ARGFX: variants seen among roughly 807,000 people sequenced by gnomAD.
ARGFX encodes arginine-fifty homeobox.
ARGFX carries 10 observed loss-of-function variants against 8.0 expected under a neutral mutation model. The ratio of observed to expected loss-of-function variants is 1.25; its 90% CI spans 0.77 to 2.12. ARGFX has a LOEUF of 2.12. ARGFX is among the 30% of genes most tolerant of loss of function. The probability of loss-of-function intolerance (pLI) is 0.00; values close to 1 mark genes in which losing one functional copy is unlikely to be tolerated. For synonymous variants in ARGFX, 116 were observed against 117.8 expected (o/e 0.98, Z 0.10); for missense variants, 282 against 324.3 (o/e 0.87, Z 1.00).
intron 2 of ARGFX, among the ~76,000 whole-genome samples, chr3:121,574,753 G>A (rs781325823): frequency 3.2e-4 from 49 of 152,260 alleles, no homozygotes; most frequent in Non-Finnish European, 5.9e-4. Flanking sequence ...TAGGGACCCC[G>A]GATTTAGGAG....
At chr3:121,574,669 C>T (rs1451146085) in intron 2 of ARGFX, among the ~76,000 whole-genome samples, 1 of 152,196 alleles carries the variant, frequency 6.6e-6, no homozygotes, top group Non-Finnish European at 1.5e-5. Context: ...CTGACTCATT[C>T]GCTGCTCACC....
chr3:121,570,856 G>T (rs371398266), intron 2 of ARGFX, 40 bp downstream of exon 2: 4 of 1,379,518 alleles, frequency 2.9e-6, no homozygotes, highest in Non-Finnish European at 3.0e-6. Context: ...CTTTTCTACT[G>T]CCCCATTCTC....
intron 4 of ARGFX, among the ~76,000 whole-genome samples, chr3:121,585,689 C>G (rs974727396): frequency 6.6e-6 from 1 of 151,966 alleles, no homozygotes; most frequent in Non-Finnish European, 1.5e-5. Context: ...CTAAAATAAT[C>G]CTTAAAAATC....
At chr3:121,577,246 TATATATATA>T (rs2048745856) in intron 3 of ARGFX, among the ~76,000 whole-genome samples, 1 of 49,116 alleles carries the variant, frequency 2.0e-5, no homozygotes, top group African/African-American at 7.7e-5. Context: ...TATATATATA[TATATATATA>T]TATATTTTTT....
At chr3:121,575,306 G>A (rs543069866) in intron 2 of ARGFX, among the ~76,000 whole-genome samples, 245 of 149,198 alleles carry the variant, frequency 1.6e-3, no homozygotes, top group Middle Eastern at 3.5e-3. Flanking sequence ...GCGACAGAGC[G>A]AGACTCCATT....
At chr3:121,570,609 G>A in intron 1 of ARGFX, 93 bp from the exon 2 acceptor site, 2 of 706,976 alleles carry the variant, frequency 2.8e-6, no homozygotes, top group Non-Finnish European at 4.6e-6. Context: ...CTTGCCAGAG[G>A]TCATACATCA....
At chr3:121,574,932 AT>A (rs2048727726) in intron 2 of ARGFX, among the ~76,000 whole-genome samples, 3 of 152,234 alleles carry the variant, frequency 2.0e-5, no homozygotes, top group African/African-American at 7.2e-5. Flanking sequence ...GAAAATTGAT[AT>A]GTTTGAAGAC....
intron 1 of ARGFX, among the ~76,000 whole-genome samples, chr3:121,569,453 C>T (rs1297800533): frequency 6.7e-6 from 1 of 150,298 alleles, no homozygotes; most frequent in Non-Finnish European, 1.5e-5. Context: ...GCAACCTCTG[C>T]CTCCTGGGTT....
chr3:121,582,859 A>C (rs1168874500), intron 3 of ARGFX, among the ~76,000 whole-genome samples: 1 of 151,398 alleles, frequency 6.6e-6, no homozygotes, highest in African/African-American at 2.4e-5. Context: ...ATGTGCTACC[A>C]TGCCCACCTA....
chr3:121,572,901 G>C (rs1001103748), intron 2 of ARGFX, among the ~76,000 whole-genome samples: 1 of 152,146 alleles, frequency 6.6e-6, no homozygotes, highest in African/African-American at 2.4e-5. Context: ...ATTGGGAGAG[G>C]ACAGTCTCTG....
chr3:121,570,425 T>C (rs554402292), intron 1 of ARGFX, among the ~76,000 whole-genome samples: 1 of 152,366 alleles, frequency 6.6e-6, no homozygotes, highest in South Asian at 2.1e-4. Context: ...GATTGCACTT[T>C]AACAATCTCA....
chr3:121,570,832 C>G lies in ARGFX; in HGVS notation c.103+16C>G, dbSNP rs779461360. 2 of 1,532,946 alleles carry G rather than the reference C, an allele frequency of 1.3e-6. No homozygotes were observed. Among genetic ancestry groups the G allele is most frequent in the Non-Finnish European group, 1.8e-6 (2 of 1,131,758 alleles). The allele number at this position is 1,532,946 out of a possible 1,614,324, so 95.0% of individuals were successfully genotyped here. A position where few individuals can be genotyped will look rare whatever the true frequency, so the allele number is the denominator to read the frequency against. On this transcript the variant is annotated intron_variant, in intron 2 of 4. Transcript: ENST00000334384. ...GCTAGTCCCAGTGAGTATCATCCTT[C>G]TTTGTCCTCTTTCCTTTTCTACTGC...
chr3:121,585,154 C>T, intron 4 of ARGFX, 89 bp downstream of exon 4: 4 of 1,407,746 alleles, frequency 2.8e-6, no homozygotes, highest in Non-Finnish European at 3.9e-6. Context: ...ACCCCTGCCC[C>T]ACAATAATAT....
intron 3 of ARGFX, among the ~76,000 whole-genome samples, chr3:121,582,275 ACAGACACATT>A (rs1415565447): frequency 2.0e-5 from 3 of 152,198 alleles, no homozygotes; most frequent in Admixed American, 2.0e-4. Flanking sequence ...ACAGTATTCC[ACAGACACATT>A]CCAGAAATAT....
intron 1 of ARGFX, among the ~76,000 whole-genome samples, chr3:121,568,527 G>A (rs2048687006): frequency 6.6e-6 from 1 of 152,192 alleles, no homozygotes; most frequent in South Asian, 2.1e-4. Flanking sequence ...TCTTTAATAT[G>A]CTAGTTTAAG....
At chr3:121,572,794 T>A (rs1235976003) in intron 2 of ARGFX, among the ~76,000 whole-genome samples, 1 of 152,120 alleles carries the variant, frequency 6.6e-6, no homozygotes, top group East Asian at 1.9e-4. Flanking sequence ...AAGAGTGTGG[T>A]GCTGGCATAA....
At chr3:121,584,134 G>C (rs574920664) in intron 3 of ARGFX, among the ~76,000 whole-genome samples, 174 of 151,648 alleles carry the variant, frequency 1.1e-3, no homozygotes, top group African/African-American at 4.1e-3. Flanking sequence ...AACTATGATC[G>C]TGCCACAGCA....
rs568798127 is a variant in ARGFX at position 121,584,797 on chromosome 3, T to C, written c.221-120T>C. 3.6e-4 allele frequency: 431 copies of C among 1,186,796 alleles called. 1 individual carries two copies. Among genetic ancestry groups the C allele is most frequent in the African/African-American group, 7.0e-4 (46 of 65,298 alleles). The allele number at this position is 1,186,796 out of a possible 1,614,324, so 73.5% of individuals were successfully genotyped here. On this transcript the variant is annotated intron_variant, in intron 3 of 4. Transcript: ENST00000334384. The stretch of plus-strand genomic sequence containing the variant: ...TGCATTTTCTGGATCCTAAGCCTGG[T>C]TGGAGGAAAGGCATGAGAGATTCAC...
At chr3:121,572,242 T>G (rs1183853058) in intron 2 of ARGFX, among the ~76,000 whole-genome samples, 1 of 77,330 alleles carries the variant, frequency 1.3e-5, no homozygotes, top group East Asian at 1.3e-3. Context: ...TGTTGTTTTT[T>G]TTTTTTTTTT....
Sources: gnomAD v4.1 joint callset for allele counts (sites outside exome capture counted in the v4.1 genomes callset) on GRCh38, gnomAD v4.1.1 for gene constraint, MANE v1.5 for transcripts, NCBI Gene and HGNC (gene_info 2026-07-23, HGNC 2026-07-21) for gene names.